The following SLC25A28 variants were observed in gnomAD, a reference collection of about 807,000 sequenced individuals.
SLC25A28 encodes mitoferrin-2.
SLC25A28 carries 10 observed loss-of-function variants against 31.9 expected under a neutral mutation model. That is an observed-to-expected ratio of 0.31 (90% CI 0.19 to 0.53). The LOEUF (loss-of-function observed/expected upper bound fraction) is 0.53. Among genes scored for constraint, SLC25A28 ranks in the 20% least tolerant of loss-of-function variants. The pLI, the probability that SLC25A28 is intolerant of heterozygous loss-of-function variation, is 0.95. For synonymous variants in SLC25A28, 208 were observed against 203.6 expected (o/e 1.02, Z -0.19); for missense variants, 256 against 490.3 (o/e 0.52, Z 4.51).
intron 1 of SLC25A28, 46 bp downstream of exon 1, chr10:99,619,999 G>A (rs1423546436): frequency 2.6e-6 from 4 of 1,518,102 alleles, no homozygotes; most frequent in East Asian, 2.6e-5. Flanking sequence ...AGACCCAGGG[G>A]TCGGGTCAGC....
At chr10:99,644,260 T>C in the SLC25A28 span, among the ~76,000 whole-genome samples, 1 of 152,208 alleles carries the variant, frequency 6.6e-6, no homozygotes, top group Non-Finnish European at 1.5e-5. Flanking sequence ...CCGTATTGGG[T>C]GCATATATAT....
chr10:99,647,256 T>C, the SLC25A28 span, among the ~76,000 whole-genome samples: 13 of 152,228 alleles, frequency 8.5e-5, no homozygotes, highest in Admixed American at 7.9e-4. Context: ...TCCATAAAGG[T>C]TGTACTAATT....
At chr10:99,632,841 A>G in the SLC25A28 span, among the ~76,000 whole-genome samples, 5 of 152,214 alleles carry the variant, frequency 3.3e-5, no homozygotes, top group African/African-American at 1.2e-4. Context: ...GGACTAGGTC[A>G]TATGTGACCT....
intron 1 of SLC25A28, chr10:99,615,936 C>A (rs557809740): frequency 1.4e-5 from 14 of 985,330 alleles, no homozygotes. Flanking sequence ...AAGAGAAAAC[C>A]GGACTGTGGG....
chr10:99,643,787 A>G, the SLC25A28 span, among the ~76,000 whole-genome samples: 4 of 152,174 alleles, frequency 2.6e-5, no homozygotes, highest in African/African-American at 9.7e-5. Context: ...ATTGGTTTCA[A>G]AGAACATCTT....
chr10:99,613,745 C>T lies in SLC25A28; in HGVS notation c.471G>A (p.Lys157=). Residue 157 remains lysine (K), a synonymous_variant, in exon 2 of 4, where the codon AAG becomes AAA. Transcript: ENST00000370495. This position sits in a 1 kb window ranked among gnomAD's most constrained non-coding sequence, Gnocchi z 4.9. ...LYFACYEKLK[K]TLSDVIHPGG... ...CAGGGTGGATTACATCACTCAATGTCTTTTTTAACTTTTCGTAGCAGGCAA... is the reference window on the plus strand; with the variant it reads ...CAGGGTGGATTACATCACTCAATGTTTTTTTTAACTTTTCGTAGCAGGCAA... 2 of 1,614,228 alleles carry T rather than the reference C, an allele frequency of 1.2e-6. No individual in the cohort carries two copies. The highest frequency in any genetic ancestry group is 1.7e-6 in the Non-Finnish European group (2 of 1,180,038).
chr10:99,641,126 T>G, the SLC25A28 span, among the ~76,000 whole-genome samples: 129 of 152,338 alleles, frequency 8.5e-4, no homozygotes, highest in African/African-American at 2.9e-3. Context: ...TTCTAGATCC[T>G]TGAGGAATCG....
the SLC25A28 span, among the ~76,000 whole-genome samples, chr10:99,637,901 C>G: frequency 1.3e-5 from 2 of 152,050 alleles, no homozygotes; most frequent in African/African-American, 4.8e-5. Flanking sequence ...CAATGCAATC[C>G]CCATCAAAAT....
chr10:99,643,742 T>C, the SLC25A28 span, among the ~76,000 whole-genome samples: 1 of 152,236 alleles, frequency 6.6e-6, no homozygotes, highest in Non-Finnish European at 1.5e-5. Flanking sequence ...TTTAAATGTG[T>C]CCCAGAGATT....
chr10:99,647,367 G>T, the SLC25A28 span, among the ~76,000 whole-genome samples: 3 of 152,236 alleles, frequency 2.0e-5, no homozygotes, highest in Non-Finnish European at 4.4e-5. Flanking sequence ...ACTGGTGTAA[G>T]ATGGTATCTC....
chr10:99,627,884 C>CT, the SLC25A28 span, among the ~76,000 whole-genome samples: 7 of 151,712 alleles, frequency 4.6e-5, no homozygotes, highest in South Asian at 4.2e-4. Context: ...CGCAAGTTCC[C>CT]GCCACCCTTC....
At chr10:99,639,821 T>C in the SLC25A28 span, among the ~76,000 whole-genome samples, 1 of 150,910 alleles carries the variant, frequency 6.6e-6, no homozygotes, top group African/African-American at 2.4e-5. Context: ...AAATGGAAAG[T>C]TATTCTCATA....
chr10:99,620,746 A>C, upstream of SLC25A28: 1 of 985,500 alleles, frequency 1.0e-6, no homozygotes, highest in Non-Finnish European at 1.2e-6. Flanking sequence ...CACTCTTGAT[A>C]CTTTGACCGC....
At chr10:99,620,947 C>A, upstream of SLC25A28, 1 of 957,842 alleles carries the variant, frequency 1.0e-6, no homozygotes, top group Non-Finnish European at 1.2e-6. Flanking sequence ...CGTTACGACC[C>A]GCGCTCCCGT....
intron 3 of SLC25A28, 42 bp downstream of exon 3, chr10:99,612,501 A>T: frequency 6.2e-7 from 1 of 1,601,948 alleles, no homozygotes; most frequent in Non-Finnish European, 8.5e-7. Context: ...AAAGAAATAC[A>T]GGTGCAGCTG....
At chr10:99,648,883 G>A in the SLC25A28 span, among the ~76,000 whole-genome samples, 1 of 152,052 alleles carries the variant, frequency 6.6e-6, no homozygotes. Context: ...TTTCTAGATA[G>A]AAGATCATAT....
the SLC25A28 span, among the ~76,000 whole-genome samples, chr10:99,648,022 G>C: frequency 3.3e-5 from 5 of 149,328 alleles, no homozygotes; most frequent in African/African-American, 1.2e-4. Context: ...TTTTTTTTCA[G>C]AAAGTCTCAC....
chr10:99,639,722 TACACACACACACACACAC>T, the SLC25A28 span, among the ~76,000 whole-genome samples: 3 of 131,058 alleles, frequency 2.3e-5, no homozygotes, highest in African/African-American at 5.8e-5. Flanking sequence ...GCACCATGGG[TACACACACACACACACAC>T]ACACACACAC....
the SLC25A28 span, among the ~76,000 whole-genome samples, chr10:99,648,721 G>T: frequency 4.8e-5 from 6 of 124,088 alleles, no homozygotes; most frequent in East Asian, 1.4e-3. Context: ...ATTGTAAATA[G>T]GATTGCCTTT....
Sources: allele counts gnomAD v4.1 joint callset (sites outside exome capture counted in the v4.1 genomes callset), GRCh38; gene constraint gnomAD v4.1.1; non-coding constraint Gnocchi (gnomAD v3.1); transcripts MANE v1.5; gene names NCBI Gene and HGNC (gene_info 2026-07-23, HGNC 2026-07-21).